ADD1: variants seen among roughly 807,000 people sequenced by gnomAD.
The protein encoded by ADD1 is alpha-adducin.
ADD1 carries 24 observed loss-of-function variants against 80.5 expected under a neutral mutation model. The ratio of observed to expected loss-of-function variants is 0.30; its 90% CI spans 0.22 to 0.42. ADD1 has a LOEUF of 0.42. Ranked by LOEUF, ADD1 falls within the 10% of genes least tolerant of loss-of-function variation. ADD1 has a pLI of 1.00. For synonymous variants in ADD1, 373 were observed against 393.8 expected (o/e 0.95, Z 0.63); for missense variants, 948 against 1,019.0 (o/e 0.93, Z 0.95).
chr4:2,850,817 G>A (rs893821475), intron 1 of ADD1, among the ~76,000 whole-genome samples: 9 of 152,228 alleles, frequency 5.9e-5, no homozygotes, highest in Admixed American at 2.6e-4. Context: ...TGACCCACCC[G>A]CCTCGGCCTC....
intron 13 of ADD1, among the ~76,000 whole-genome samples, chr4:2,912,315 G>A (rs889095468): frequency 2.0e-5 from 3 of 152,194 alleles, no homozygotes; most frequent in Non-Finnish European, 4.4e-5. Flanking sequence ...CTTTCTTGCA[G>A]AGGAATGTGA....
At chr4:2,885,364 G>T (rs3796469) in intron 4 of ADD1, among the ~76,000 whole-genome samples, 24,641 of 152,044 alleles carry the variant, frequency 0.16, 2,463 homozygotes, top group East Asian at 0.48. Context: ...TCTCAAATGG[G>T]CCAATGACTT....
Position 2,908,689 on chromosome 4 carries a change from A to T in ADD1, c.1698+85A>T. 2.6e-6 allele frequency: 3 copies of T among 1,158,856 alleles called. No individual in the cohort carries two copies. In the South Asian group the frequency reaches 3.8e-5, roughly 15 times the overall value. The allele number at this position is 1,158,856 out of a possible 1,614,324, so 71.8% of individuals were successfully genotyped here. On this transcript the variant is annotated intron_variant, in intron 12 of 15. Coordinates refer to ENST00000683351, the MANE Select transcript of ADD1 (RefSeq NM_001354761.2). The stretch of plus-strand genomic sequence containing the variant: ...AAGTTATTCTGAAATTGAGAGAGTG[A>T]CTTTATGAGGTAAGTATTCTAGGCA...
intron 13 of ADD1, among the ~76,000 whole-genome samples, chr4:2,909,983 A>C (rs1238268490): frequency 2.7e-5 from 4 of 150,478 alleles, no homozygotes; most frequent in East Asian, 1.9e-4. Flanking sequence ...AAAAAAAAAA[A>C]AACCCTAAAT....
chr4:2,858,656 G>T (rs1462291594), intron 1 of ADD1, among the ~76,000 whole-genome samples: 1 of 152,158 alleles, frequency 6.6e-6, no homozygotes, highest in Non-Finnish European at 1.5e-5. Flanking sequence ...TAAACAGATG[G>T]TTGGCTTATC....
Position 2,928,704 on chromosome 4 carries a change from C to T in ADD1, c.*181C>T, listed in dbSNP as rs915300614. On this transcript the variant is annotated 3_prime_UTR_variant, in exon 16 of 16. Transcript: ENST00000683351. Reference sequence around the variant, plus strand: ...TGACCCAGTGTGTGCTCAGCAGCCCCACCCCACCCTGCCCCTTGTCCTCTC... The same window carrying T: ...TGACCCAGTGTGTGCTCAGCAGCCCTACCCCACCCTGCCCCTTGTCCTCTC... 8 of 604,584 alleles carry T rather than the reference C, an allele frequency of 1.3e-5. No homozygotes were observed. The highest frequency in any genetic ancestry group is 2.3e-5 in the Non-Finnish European group (8 of 354,824). 37.5% of individuals were successfully genotyped at this position (604,584 alleles called of 1,614,324 possible). A position where few individuals can be genotyped will look rare whatever the true frequency, so the allele number is the denominator to read the frequency against.
At chr4:2,885,835 C>A (rs12648249) in intron 4 of ADD1, among the ~76,000 whole-genome samples, 1 of 151,604 alleles carries the variant, frequency 6.6e-6, no homozygotes. Flanking sequence ...TGGTCTCGAT[C>A]TCCTGACCTT....
intron 8 of ADD1, chr4:2,898,962 C>T (rs1429099209): frequency 2.5e-6 from 1 of 407,046 alleles, no homozygotes; most frequent in East Asian, 4.9e-5. Context: ...TCACGTTCTC[C>T]CCTCTGCTTC....
chr4:2,925,252 G>A (rs113326605), intron 14 of ADD1, among the ~76,000 whole-genome samples: 3 of 152,298 alleles, frequency 2.0e-5, no homozygotes, highest in African/African-American at 7.2e-5. Flanking sequence ...TGCCAACGTG[G>A]TACTTGGGGA....
At chr4:2,925,862 A>T (rs1209991594) in intron 14 of ADD1, 152 bp from the exon 15 acceptor site, 2 of 613,744 alleles carry the variant, frequency 3.3e-6, no homozygotes, top group African/African-American at 3.7e-5. Context: ...AGCTTCCTTT[A>T]TCCTCTCTTG....
chr4:2,896,015 G>A (rs763358200), intron 6 of ADD1, among the ~76,000 whole-genome samples: 1 of 151,842 alleles, frequency 6.6e-6, no homozygotes, highest in Non-Finnish European at 1.5e-5. Flanking sequence ...AGCCTCCCAA[G>A]TAGCTGGGAC....
At chr4:2,908,899 G>A in intron 12 of ADD1, 1 of 487,146 alleles carries the variant, frequency 2.1e-6, no homozygotes, top group Non-Finnish European at 3.7e-6. Context: ...CCCGGGTTCA[G>A]CAGCGTTCTG....
chr4:2,924,726 CCACA>C (rs1425045064), intron 14 of ADD1, among the ~76,000 whole-genome samples: 3 of 152,296 alleles, frequency 2.0e-5, no homozygotes, highest in Non-Finnish European at 4.4e-5. Context: ...ATTCAGGCCG[CCACA>C]CACACCAGGC....
At chr4:2,874,072 G>C (rs1388532787) in intron 1 of ADD1, among the ~76,000 whole-genome samples, 1 of 151,978 alleles carries the variant, frequency 6.6e-6, no homozygotes, top group Non-Finnish European at 1.5e-5. Context: ...AAAATAGCCA[G>C]GTGTGGTGAT....
At chr4:2,885,860 T>C (rs1490036571) in intron 4 of ADD1, among the ~76,000 whole-genome samples, 4 of 152,282 alleles carry the variant, frequency 2.6e-5, no homozygotes, top group African/African-American at 7.2e-5. Context: ...TCCGCCCGCC[T>C]TGGCCTCCCA....
At chr4:2,925,962 C>T (rs1006858553) in intron 14 of ADD1, 52 bp from the exon 15 acceptor site, 4 of 1,537,060 alleles carry the variant, frequency 2.6e-6, no homozygotes, top group African/African-American at 2.7e-5. Context: ...CAGGTACAGG[C>T]TCATGGCGTG....
At chr4:2,921,463 C>T (rs1740027910) in intron 14 of ADD1, among the ~76,000 whole-genome samples, 1 of 152,144 alleles carries the variant, frequency 6.6e-6, no homozygotes, top group African/African-American at 2.4e-5. Flanking sequence ...GAATATTGGC[C>T]CCCACTCTCT....
At chr4:2,915,176 A>G (rs1190150018) in intron 14 of ADD1, 136 bp downstream of exon 14, 4 of 1,010,776 alleles carry the variant, frequency 4.0e-6, no homozygotes. Context: ...AACTTTATCC[A>G]GTACTCATTT....
intron 1 of ADD1, among the ~76,000 whole-genome samples, chr4:2,871,611 G>A (rs1730468210): frequency 6.6e-6 from 1 of 152,132 alleles, no homozygotes; most frequent in Non-Finnish European, 1.5e-5. Context: ...GAAGAATCAC[G>A]GAGCGTTTCA....
Sources: allele counts gnomAD v4.1 joint callset (sites outside exome capture counted in the v4.1 genomes callset), GRCh38; gene constraint gnomAD v4.1.1; transcripts MANE v1.5; gene names NCBI Gene and HGNC (gene_info 2026-07-23, HGNC 2026-07-21).